The following C9orf153 variants were observed in gnomAD, a reference collection of about 807,000 sequenced individuals.
C9orf153 encodes chromosome 9 open reading frame 153.
C9orf153 carries 10 observed loss-of-function variants against 9.0 expected under a neutral mutation model. That is an observed-to-expected ratio of 1.11 (90% confidence interval 0.69 to 1.89). C9orf153 has a LOEUF of 1.89. Ranked by LOEUF, C9orf153 falls within the 40% of genes most tolerant of loss-of-function variation. The probability of loss-of-function intolerance (pLI) is 0.00; values close to 1 mark genes in which losing one functional copy is unlikely to be tolerated. For missense variants in C9orf153, 108 were observed against 111.0 expected, an observed-to-expected ratio of 0.97 and a Z score of 0.12; for synonymous variants, 35 against 37.3, an observed-to-expected ratio of 0.94 and a Z score of 0.23.
rs41283657 is a variant in C9orf153, at chr9:86,259,572, T to C, written c.-49A>G. On this transcript the variant is annotated 5_prime_UTR_variant, in exon 1 of 4. It removes the in-frame stop codon of an upstream open reading frame in the 5' UTR. Transcript: ENST00000339137. ...TACCACTTGTTTTACAGTTGTCTCT[T>C]CACGTGGTCATATCTGTCTTGAGTC... is the stretch of plus-strand genomic sequence containing the variant. 0.44 allele frequency: 67,419 copies of C among 151,548 alleles called. 15,126 individuals carry two copies. The highest frequency in any genetic ancestry group is 0.59 in the Middle Eastern group (174 of 294). The allele number at this position is 151,548 out of a possible 1,614,324, so 9.4% of individuals were successfully genotyped here. A position where few individuals can be genotyped will look rare whatever the true frequency, so the allele number is the denominator to read the frequency against.
At chr9:86,245,697 T>C (rs966579289) in intron 1 of C9orf153, among the ~76,000 whole-genome samples, 2 of 152,210 alleles carry the variant, frequency 1.3e-5, no homozygotes, top group Non-Finnish European at 2.9e-5. Context: ...TGCTTCCTAT[T>C]TTTAGTGTCA....
chr9:86,246,847 T>C (rs908284379), intron 1 of C9orf153, among the ~76,000 whole-genome samples: 9 of 152,192 alleles, frequency 5.9e-5, no homozygotes, highest in Non-Finnish European at 1.2e-4. Context: ...TCTCTATAGT[T>C]TTGCTATTGA....
At chr9:86,225,174 T>C (rs1224614765) in intron 3 of C9orf153, among the ~76,000 whole-genome samples, 1 of 152,110 alleles carries the variant, frequency 6.6e-6, no homozygotes, top group African/African-American at 2.4e-5. Flanking sequence ...ATATGTTCTT[T>C]AGTATACTTT....
chr9:86,247,950 G>A (rs1048498086), intron 1 of C9orf153, among the ~76,000 whole-genome samples: 16 of 152,106 alleles, frequency 1.1e-4, no homozygotes, highest in Admixed American at 6.6e-5. Flanking sequence ...CTCAAAAGCT[G>A]GCAGGAGGCT....
intron 1 of C9orf153, among the ~76,000 whole-genome samples, chr9:86,229,877 C>T (rs188627278): frequency 2.0e-5 from 3 of 152,148 alleles, no homozygotes; most frequent in Admixed American, 6.5e-5. Context: ...GGGGAGGCCT[C>T]AGGAAACTTA....
intron 1 of C9orf153, among the ~76,000 whole-genome samples, chr9:86,245,008 C>A (rs1043065131): frequency 6.6e-6 from 1 of 152,180 alleles, no homozygotes; most frequent in African/African-American, 2.4e-5. Context: ...CTCACTGCAA[C>A]CTCCGCCTCC....
chr9:86,255,658 T>C (rs1825107196), intron 1 of C9orf153, among the ~76,000 whole-genome samples: 1 of 152,202 alleles, frequency 6.6e-6, no homozygotes, highest in African/African-American at 2.4e-5. Context: ...TGAGCTCCCA[T>C]TCTCTTCGTA....
chr9:86,233,064 T>C (rs977075733), intron 1 of C9orf153, among the ~76,000 whole-genome samples: 1 of 152,074 alleles, frequency 6.6e-6, no homozygotes, highest in Non-Finnish European at 1.5e-5. Flanking sequence ...ATATTTCCCC[T>C]CAGTTATCCT....
At chr9:86,231,416 C>A (rs1448936090) in intron 1 of C9orf153, among the ~76,000 whole-genome samples, 1 of 152,076 alleles carries the variant, frequency 6.6e-6, no homozygotes, top group Non-Finnish European at 1.5e-5. Context: ...CAGGGTACCA[C>A]TGTATCATGA....
At chr9:86,236,198 A>G (rs1824583213) in intron 1 of C9orf153, among the ~76,000 whole-genome samples, 1 of 152,190 alleles carries the variant, frequency 6.6e-6, no homozygotes, top group South Asian at 2.1e-4. Context: ...TAAAGTGTTG[A>G]GAGAAAAAAA....
chr9:86,239,486 G>A (rs1322814578), intron 1 of C9orf153, among the ~76,000 whole-genome samples: 1 of 152,168 alleles, frequency 6.6e-6, no homozygotes, highest in Non-Finnish European at 1.5e-5. Context: ...CACATCATAG[G>A]AGATTGCTTA....
chr9:86,257,952 T>C (rs115877093), intron 1 of C9orf153, among the ~76,000 whole-genome samples: 2,453 of 152,254 alleles, frequency 0.016, 69 homozygotes, highest in African/African-American at 0.056. Context: ...AGAGAGCTCA[T>C]CAATCTTGAG....
intron 1 of C9orf153, among the ~76,000 whole-genome samples, chr9:86,258,115 G>A (rs1564005880): frequency 6.6e-6 from 1 of 152,134 alleles, no homozygotes; most frequent in Non-Finnish European, 1.5e-5. Flanking sequence ...AGACCAAGGG[G>A]AGCAGATCAC....
chr9:86,225,092 G>T (rs1205161288), intron 3 of C9orf153, among the ~76,000 whole-genome samples: 1 of 152,130 alleles, frequency 6.6e-6, no homozygotes, highest in African/African-American at 2.4e-5. Flanking sequence ...AACAAGAGGA[G>T]CTCATACGAT....
intron 1 of C9orf153, among the ~76,000 whole-genome samples, chr9:86,239,121 C>T (rs1182711528): frequency 3.3e-5 from 5 of 151,888 alleles, no homozygotes; most frequent in African/African-American, 9.7e-5. Flanking sequence ...ATTAGCCAGG[C>T]GTGGCGGCGC....
At chr9:86,257,123 C>G (rs1280611352) in intron 1 of C9orf153, among the ~76,000 whole-genome samples, 1 of 152,158 alleles carries the variant, frequency 6.6e-6, no homozygotes, top group Admixed American at 6.6e-5. Flanking sequence ...CCGATTGGAG[C>G]ATATATTCTG....
intron 1 of C9orf153, among the ~76,000 whole-genome samples, chr9:86,233,156 T>C (rs995501919): frequency 1.3e-5 from 2 of 152,196 alleles, no homozygotes; most frequent in Non-Finnish European, 1.5e-5. Flanking sequence ...TGTTCCCCAA[T>C]GGCTCCTTCC....
At chr9:86,233,856 G>A (rs1322640307) in intron 1 of C9orf153, among the ~76,000 whole-genome samples, 1 of 152,262 alleles carries the variant, frequency 6.6e-6, no homozygotes, top group African/African-American at 2.4e-5. Flanking sequence ...GGGCTGAGGC[G>A]GGTGAATTAC....
chr9:86,231,321 C>G (rs1824463356), intron 1 of C9orf153, among the ~76,000 whole-genome samples: 1 of 152,134 alleles, frequency 6.6e-6, no homozygotes, highest in Non-Finnish European at 1.5e-5. Context: ...CCCCATAAAA[C>G]TTCACATTCT....
Sources: gnomAD v4.1 joint callset for allele counts (sites outside exome capture counted in the v4.1 genomes callset) on GRCh38, gnomAD v4.1.1 for gene constraint, MANE v1.5 for transcripts, NCBI Gene and HGNC (gene_info 2026-07-23, HGNC 2026-07-21) for gene names.